AATK: variants seen among roughly 807,000 people sequenced by gnomAD.
AATK encodes the protein serine/threonine-protein kinase LMTK1.
AATK carries 91 observed loss-of-function variants against 114.3 expected under a neutral mutation model. That is an observed-to-expected ratio of 0.80 (90% CI 0.67 to 0.95). The LOEUF (loss-of-function observed/expected upper bound fraction) is 0.95, where lower values mean the gene tolerates loss of function less well. Among genes scored for constraint, AATK ranks in the 40% least tolerant of loss-of-function variants. The probability of loss-of-function intolerance (pLI) is 0.00; values close to 1 mark genes in which losing one functional copy is unlikely to be tolerated. For synonymous variants in AATK, 1,075 were observed against 916.5 expected, an observed-to-expected ratio of 1.17 and a Z score of -3.12; for missense variants, 2,176 against 1,965.2, an observed-to-expected ratio of 1.11 and a Z score of -2.03.
chr17:81,165,521 C>G (rs761794438), intron 1 of AATK: 77 of 738,980 alleles, frequency 1.0e-4, no homozygotes, highest in South Asian at 5.2e-4. Context: ...CGCTCCCAGC[C>G]TGGGAAGAAG....
In AATK at chr17:81,128,077, C is replaced by T. The variant is rs62075261; in HGVS notation, c.415-167G>A. Among the ~76,000 whole-genome samples, 8 of 152,224 alleles carry T rather than the reference C, an allele frequency of 5.3e-5. No homozygotes were observed. The South Asian group carries it at 6.2e-4, about 12-fold the overall frequency. ...TGAGGTATGGCTTCCGGATCCCTCC[C>T]GGCAACCCTCTGGCTGTAATATTCT... On this transcript the variant is annotated intron_variant, in intron 4 of 13. Transcript: ENST00000326724.
chr17:81,138,626 C>T (rs2061067736), intron 1 of AATK, among the ~76,000 whole-genome samples: 1 of 141,060 alleles, frequency 7.1e-6, no homozygotes, highest in Non-Finnish European at 1.6e-5. Context: ...CACATACCCA[C>T]ACACATATCC....
intron 1 of AATK, chr17:81,165,723 G>T (rs1298594444): frequency 6.6e-7 from 1 of 1,523,378 alleles, no homozygotes; most frequent in Non-Finnish European, 8.8e-7. Flanking sequence ...CCACGCGGGG[G>T]ACGCCAGCCC....
At chr17:81,127,269 C>CCG in intron 6 of AATK, among the ~76,000 whole-genome samples, 1 of 151,826 alleles carries the variant, frequency 6.6e-6, no homozygotes, top group South Asian at 2.1e-4. Context: ...GGCCAGTGCC[C>CCG]CCCCCCAGTT....
In AATK at chr17:81,120,101, C is replaced by T; in HGVS notation, c.3736-18G>A. ...GGGCTTTCCTGGAGGAATCAGAGAGCACCAGGTAGCTCGGCCGCCAGGAGC... is the reference window on the plus strand; with the variant it reads ...GGGCTTTCCTGGAGGAATCAGAGAGTACCAGGTAGCTCGGCCGCCAGGAGC... On this transcript the variant is annotated intron_variant, in intron 11 of 13. Transcript: ENST00000326724. The T allele has an allele frequency of 1.4e-6, 2 of 1,465,738 alleles. No homozygotes were observed. Among genetic ancestry groups the T allele is most frequent in the Non-Finnish European group, 1.8e-6 (2 of 1,106,220 alleles). 90.8% of individuals were successfully genotyped at this position (1,465,738 alleles called of 1,614,324 possible).
chr17:81,155,654 G>C (rs1019629761), intron 1 of AATK, among the ~76,000 whole-genome samples: 1 of 151,808 alleles, frequency 6.6e-6, no homozygotes, highest in East Asian at 1.9e-4. Context: ...AAAGTGCTGG[G>C]ATTGCAGGCA....
intron 1 of AATK, among the ~76,000 whole-genome samples, chr17:81,152,829 A>C (rs542528580): frequency 7.0e-6 from 1 of 142,502 alleles, no homozygotes; most frequent in South Asian, 2.3e-4. Flanking sequence ...GCACCTTCAA[A>C]ACCAGCCCTG....
At chr17:81,119,915 C>T (rs1200447382) in intron 12 of AATK, 21 bp downstream of exon 12, 2 of 1,418,908 alleles carry the variant, frequency 1.4e-6, no homozygotes, top group East Asian at 2.8e-5. Context: ...ACGTCACGGG[C>T]CCAGCCCCGC....
Position 81,118,085 on chromosome 17 carries a change from C to A in AATK, c.*317G>T. The stretch of plus-strand genomic sequence containing the variant: ...CAGGCAGGGCAGAGGGTGGGGGCCG[C>A]CGTGCCCAGGGGCACTGGCCCCTTT... On this transcript the variant is annotated 3_prime_UTR_variant, in exon 14 of 14. Transcript: ENST00000326724. 3.3e-6 allele frequency: 1 copy of A among 307,680 alleles called. No homozygotes were observed. The highest frequency in any genetic ancestry group is 6.1e-6 in the Non-Finnish European group (1 of 165,040). 19.1% of individuals were successfully genotyped at this position (307,680 alleles called of 1,614,324 possible). A position where few individuals can be genotyped will look rare whatever the true frequency, so the allele number is the denominator to read the frequency against.
intron 1 of AATK, among the ~76,000 whole-genome samples, chr17:81,162,482 A>G (rs1187439483): frequency 6.6e-6 from 1 of 152,126 alleles, no homozygotes; most frequent in African/African-American, 2.4e-5. Flanking sequence ...GGGCAGTGTC[A>G]GCTGTGGGGC....
intron 10 of AATK, 95 bp from the exon 11 acceptor site, chr17:81,122,918 CT>C: frequency 8.5e-7 from 1 of 1,177,714 alleles, no homozygotes; most frequent in South Asian, 1.7e-5. Flanking sequence ...CTCCCAGTGT[CT>C]TGGGGGCATT....
chr17:81,121,503 C>T lies in AATK; in HGVS notation c.2433G>A (p.Ser811=), dbSNP rs369739519. Residue 811 remains serine (S), a synonymous_variant, in exon 11 of 14, where the codon TCG becomes TCA. Coordinates refer to ENST00000326724, the MANE Select transcript of AATK (RefSeq NM_001080395.3). ...GGGCGTCGGGGGCACTGGCCTCCTCCGAGGGAAGTGGGGCTCCCTCCTGGG... is the reference window on the plus strand; with the variant it reads ...GGGCGTCGGGGGCACTGGCCTCCTCTGAGGGAAGTGGGGCTCCCTCCTGGG... ...SPSQEGAPLP[S]EEASAPDAPD... is the part of the protein sequence containing the mutation. 317 of 1,551,742 alleles carry T rather than the reference C, an allele frequency of 2.0e-4. No individual in the cohort carries two copies. Among genetic ancestry groups the T allele is most frequent in the Middle Eastern group, 3.4e-4 (2 of 5,806 alleles).
chr17:81,125,778 T>TA (rs2060806647), intron 7 of AATK: 43 of 389,186 alleles, frequency 1.1e-4, no homozygotes, highest in South Asian at 7.5e-4. Context: ...AGGGGATCGC[T>TA]ACAGGGCCAT....
chr17:81,123,461 G>C, intron 9 of AATK, 118 bp from the exon 10 acceptor site: 1 of 961,898 alleles, frequency 1.0e-6, no homozygotes, highest in Non-Finnish European at 1.4e-6. Flanking sequence ...CCTCAGGACC[G>C]GGGCCTGGTA....
At chr17:81,159,153 G>A (rs1024816650) in intron 1 of AATK, among the ~76,000 whole-genome samples, 10 of 152,210 alleles carry the variant, frequency 6.6e-5, no homozygotes, top group African/African-American at 2.4e-4. Flanking sequence ...GCACTCTTGG[G>A]AATGCAGGAA....
intron 1 of AATK, among the ~76,000 whole-genome samples, chr17:81,138,463 AC>A (rs763571099): frequency 7.7e-6 from 1 of 130,114 alleles, no homozygotes. Flanking sequence ...GTGCACACAC[AC>A]CCACCCACAT....
intron 9 of AATK, 84 bp downstream of exon 9, chr17:81,124,643 C>T (rs1283988816): frequency 1.3e-6 from 2 of 1,570,406 alleles, no homozygotes; most frequent in African/African-American, 2.7e-5. Context: ...CCCCTGACCT[C>T]ACTACTCATG....
At chr17:81,131,351 T>A in intron 2 of AATK, 146 bp from the exon 3 acceptor site, 1 of 1,071,368 alleles carries the variant, frequency 9.3e-7, no homozygotes, top group Non-Finnish European at 1.3e-6. Context: ...CCACCGCCCC[T>A]GCAGGCCAAT....
In AATK at chr17:81,127,677, G is replaced by C. The variant is rs1598922723; in HGVS notation, c.534-7C>G. On this transcript the variant is annotated splice_polypyrimidine_tract_variant and splice_region_variant and intron_variant, in intron 5 of 13. Coordinates refer to ENST00000326724, the MANE Select transcript of AATK (RefSeq NM_001080395.3). ...GTTGCTGTGCTTCAGGGCCCTGCGG[G>C]AGTGGACAGGCGGCCCCTGACTTGG... is the stretch of plus-strand genomic sequence containing the variant. 1 of 1,577,232 alleles carries C rather than the reference G, an allele frequency of 6.3e-7. No homozygotes were observed.
Sources: allele counts gnomAD v4.1 joint callset (sites outside exome capture counted in the v4.1 genomes callset), GRCh38; gene constraint gnomAD v4.1.1; transcripts MANE v1.5; gene names NCBI Gene and HGNC (gene_info 2026-07-23, HGNC 2026-07-21).